AGBL1: variants seen among roughly 807,000 people sequenced by gnomAD.
AGBL1 encodes cytosolic carboxypeptidase 4.
In AGBL1, 130 loss-of-function variants were observed where a neutral mutation model predicts 118.9. That is an observed-to-expected ratio of 1.09 (90% CI 0.95 to 1.26). AGBL1 has a LOEUF of 1.26. AGBL1 is among the 50% of genes most tolerant of loss of function. AGBL1 has a pLI of 0.00. For synonymous variants in AGBL1, 555 were observed against 478.9 expected, an observed-to-expected ratio of 1.16 and a Z score of -2.08; for missense variants, 1,584 against 1,298.1, an observed-to-expected ratio of 1.22 and a Z score of -3.38.
At chr15:86,378,034 A>G (rs1438876984) in intron 17 of AGBL1, among the ~76,000 whole-genome samples, 1 of 152,224 alleles carries the variant, frequency 6.6e-6, no homozygotes, top group Non-Finnish European at 1.5e-5. Context: ...ACATCCAGGC[A>G]TTACAAACCT....
chr15:86,703,747 G>A (rs1303062701), intron 22 of AGBL1, among the ~76,000 whole-genome samples: 2 of 152,032 alleles, frequency 1.3e-5, no homozygotes, highest in Non-Finnish European at 2.9e-5. Flanking sequence ...CTTGCCTGCT[G>A]CCAGGTAAGA....
chr15:86,089,346 T>C (rs1458143668), intron 1 of AGBL1, among the ~76,000 whole-genome samples: 1 of 152,192 alleles, frequency 6.6e-6, no homozygotes, highest in African/African-American at 2.4e-5. Context: ...CTACAACCAG[T>C]CTGCAGGCCT....
chr15:87,023,884 C>G (rs1404939296), intron 24 of AGBL1, among the ~76,000 whole-genome samples: 2 of 151,990 alleles, frequency 1.3e-5, no homozygotes, highest in Non-Finnish European at 2.9e-5. Context: ...TCTGAATGAT[C>G]ATTGGGTCAA....
intron 10 of AGBL1, among the ~76,000 whole-genome samples, chr15:86,263,348 G>C (rs1412023280): frequency 6.6e-6 from 1 of 152,178 alleles, no homozygotes; most frequent in Non-Finnish European, 1.5e-5. Context: ...TATAGCCTAG[G>C]TACACCGTAG....
intron 22 of AGBL1, among the ~76,000 whole-genome samples, chr15:86,817,292 G>GAAAA (rs1214679240): frequency 1.1e-5 from 1 of 92,354 alleles, no homozygotes; most frequent in African/African-American, 4.2e-5. Flanking sequence ...AACTCCATCT[G>GAAAA]GAAAAAAAAA....
intron 18 of AGBL1, among the ~76,000 whole-genome samples, chr15:86,450,308 C>T (rs374865846): frequency 6.6e-6 from 1 of 152,176 alleles, no homozygotes; most frequent in Non-Finnish European, 1.5e-5. Flanking sequence ...CTTGTCAAAT[C>T]CCTACCCTGG....
chr15:86,152,680 T>C (rs184963845), intron 3 of AGBL1, among the ~76,000 whole-genome samples: 128 of 152,198 alleles, frequency 8.4e-4, no homozygotes, highest in Non-Finnish European at 1.5e-3. Flanking sequence ...CTAATTAAAC[T>C]AAAGAGCTTC....
intron 1 of AGBL1, among the ~76,000 whole-genome samples, chr15:86,117,012 A>T (rs1897808147): frequency 6.6e-6 from 1 of 151,058 alleles, no homozygotes; most frequent in South Asian, 2.1e-4. Context: ...TGATCTATCA[A>T]TGGTCATCAT....
At chr15:86,347,342 T>A (rs2080553857) in intron 17 of AGBL1, among the ~76,000 whole-genome samples, 1 of 152,252 alleles carries the variant, frequency 6.6e-6, no homozygotes, top group Non-Finnish European at 1.5e-5. Context: ...ATTCATGATG[T>A]GCAGGATTGG....
In AGBL1 at chr15:86,727,552, A is replaced by G. The variant is rs532447549; in HGVS notation, c.3158+53116A>G. Reference sequence around the variant, plus strand: ...TCCCCAAGAACTTGTTTTATTTTCAATGACAAAAAAAACTAAATTGCTTTC... The same window carrying G: ...TCCCCAAGAACTTGTTTTATTTTCAGTGACAAAAAAAACTAAATTGCTTTC... On this transcript the variant is annotated intron_variant, in intron 22 of 22. Transcript: ENST00000614907. Among the ~76,000 whole-genome samples, 326 of 152,316 alleles carry G rather than the reference A, an allele frequency of 2.1e-3. 1 individual carries two copies. Among genetic ancestry groups the G allele is most frequent in the African/African-American group, 7.4e-3 (307 of 41,560 alleles).
At chr15:86,267,673 T>G (rs1202152659) in intron 13 of AGBL1, among the ~76,000 whole-genome samples, 1 of 152,152 alleles carries the variant, frequency 6.6e-6, no homozygotes, top group Non-Finnish European at 1.5e-5. Flanking sequence ...CTGTACAAAC[T>G]AAAAGAAAGG....
At position 86,909,843 on chromosome 15, in the gene AGBL1, TGA is replaced by T. The variant is rs1234323365; in HGVS notation, c.*2551_*2552del. ...AGTTTTGGGGGTTAGCTTCTGGTCATGAGGCATGTTTCTTAAAAAACGTGACC... is the reference window on the plus strand; with the variant it reads ...AGTTTTGGGGGTTAGCTTCTGGTCATGGCATGTTTCTTAAAAAACGTGACC... On this transcript the variant is annotated 3_prime_UTR_variant, in exon 23 of 23. Coordinates refer to ENST00000614907, the MANE Select transcript of AGBL1 (RefSeq NM_001386094.1). 1.3e-4 allele frequency: 20 copies of T among 152,234 alleles called. No individual in the cohort carries two copies. Among genetic ancestry groups the T allele is most frequent in the African/African-American group, 4.8e-4 (20 of 41,472 alleles). 9.4% of individuals were successfully genotyped at this position (152,234 alleles called of 1,614,324 possible).
At chr15:86,449,282 A>G (rs1286237421) in intron 18 of AGBL1, among the ~76,000 whole-genome samples, 1 of 152,206 alleles carries the variant, frequency 6.6e-6, no homozygotes, top group Non-Finnish European at 1.5e-5. Context: ...TATACCTTAG[A>G]AGGATCAAAG....
intron 18 of AGBL1, among the ~76,000 whole-genome samples, chr15:86,411,146 G>A (rs1430724169): frequency 1.3e-5 from 2 of 151,060 alleles, no homozygotes; most frequent in Non-Finnish European, 2.9e-5. Context: ...AAAAACCCTG[G>A]CTTCTTGCCT....
chr15:86,174,070 C>A (rs1189016091), intron 5 of AGBL1, among the ~76,000 whole-genome samples: 1 of 151,992 alleles, frequency 6.6e-6, no homozygotes, highest in African/African-American at 2.4e-5. Context: ...AATATCAATT[C>A]TTTCAATCCA....
chr15:86,984,613 C>G lies in AGBL1; in HGVS notation c.3222-3374C>G, dbSNP rs140316189. ...ACACCTGACCTTGTGATCCACCCGC[C>G]TCAGCCTCCCAAAGTGCTGGGGTTA... On this transcript the variant is annotated intron_variant, in intron 23 of 24. Coordinates refer to the AGBL1 transcript ENST00000441037. 2.8e-3 allele frequency among the ~76,000 whole-genome samples: 429 copies of G among 152,230 alleles called. 2 individuals carry two copies. Among genetic ancestry groups the G allele is most frequent in the African/African-American group, 9.6e-3 (398 of 41,544 alleles).
chr15:86,435,594 A>G (rs898857443), intron 18 of AGBL1, among the ~76,000 whole-genome samples: 2 of 152,212 alleles, frequency 1.3e-5, no homozygotes, highest in Non-Finnish European at 2.9e-5. Context: ...TTAAAACTCA[A>G]TGGGCTGCTT....
chr15:86,348,690 C>T (rs1344147333), intron 17 of AGBL1, among the ~76,000 whole-genome samples: 1 of 151,138 alleles, frequency 6.6e-6, no homozygotes. Context: ...AGGCAGGAGA[C>T]TCACTTGAAC....
chr15:86,917,832 G>A (rs1360653640), downstream of AGBL1, among the ~76,000 whole-genome samples: 2 of 151,404 alleles, frequency 1.3e-5, no homozygotes, highest in Non-Finnish European at 2.9e-5. The surrounding 1 kb of genome is among the most constrained non-coding windows in gnomAD (Gnocchi z 4.8). Context: ...TCAAGGCAGG[G>A]GAGCAAAGAG....
Sources: gnomAD v4.1 joint callset for allele counts (sites outside exome capture counted in the v4.1 genomes callset) on GRCh38, gnomAD v4.1.1 for gene constraint, Gnocchi (gnomAD v3.1) non-coding constraint, MANE v1.5 for transcripts, NCBI Gene and HGNC (gene_info 2026-07-23, HGNC 2026-07-21) for gene names.